Variants in TMEM135 observed in about 807,000 individuals in gnomAD.
TMEM135 encodes the protein peroxisomal membrane protein 52.
In TMEM135, 30 loss-of-function variants were observed where a neutral mutation model predicts 60.3. That is an observed-to-expected ratio of 0.50 (90% confidence interval 0.37 to 0.68). The LOEUF is 0.68. Ranked by LOEUF, TMEM135 falls within the 30% of genes least tolerant of loss-of-function variation. TMEM135 has a pLI of 0.00. For synonymous variants in TMEM135, 190 were observed against 186.7 expected (o/e 1.02, Z -0.14); for missense variants, 468 against 548.8 (o/e 0.85, Z 1.47).
rs190213800 is a variant in TMEM135 at position 87,269,107 on chromosome 11, T to A, written c.510-26675T>A. Among the ~76,000 whole-genome samples the A allele has an allele frequency of 1.4e-3, 209 of 148,932 alleles. 1 individual carries two copies. The highest frequency in any genetic ancestry group is 4.9e-3 in the African/African-American group (199 of 40,900). On this transcript the variant is annotated intron_variant, in intron 6 of 14. Transcript: ENST00000305494. ...TACGCAATGCACATTTTATTTCTCA[T>A]TTTTCAAAGCCTGGATTTCCTAATT...
intron 3 of TMEM135, among the ~76,000 whole-genome samples, chr11:87,073,702 C>T (rs1489628240): frequency 1.3e-5 from 2 of 151,580 alleles, no homozygotes; most frequent in African/African-American, 4.8e-5. Flanking sequence ...GAGTCTCGCT[C>T]TGTTGCCCAG....
At chr11:87,310,790 ATT>A (rs145529285) in intron 10 of TMEM135, among the ~76,000 whole-genome samples, 1 of 151,094 alleles carries the variant, frequency 6.6e-6, no homozygotes, top group Non-Finnish European at 1.5e-5. Context: ...AAAAAAATAG[ATT>A]TTTTTTTAAT....
At chr11:87,068,434 T>A (rs190604120) in intron 2 of TMEM135, among the ~76,000 whole-genome samples, 2 of 152,312 alleles carry the variant, frequency 1.3e-5, no homozygotes, top group African/African-American at 4.8e-5. Flanking sequence ...AAACTTACGT[T>A]TATTTATTTA....
At chr11:87,210,432 T>C (rs1022585021) in intron 5 of TMEM135, among the ~76,000 whole-genome samples, 1 of 152,142 alleles carries the variant, frequency 6.6e-6, no homozygotes, top group African/African-American at 2.4e-5. Flanking sequence ...AATAAATTCT[T>C]GGAAACACAA....
chr11:87,044,123 A>T lies in TMEM135; in HGVS notation c.141+5937A>T, dbSNP rs572854482. 5.9e-5 allele frequency among the ~76,000 whole-genome samples: 9 copies of T among 152,228 alleles called. No individual in the cohort carries two copies. The East Asian group carries it at 1.7e-3, about 29-fold the overall frequency. On this transcript the variant is annotated intron_variant, in intron 1 of 14. Coordinates refer to ENST00000305494, the MANE Select transcript of TMEM135 (RefSeq NM_022918.4). ...TTTACTCAATATTTACTCCCTTTGA[A>T]CCATGTAATCCAACAAATCTGTTAG...
chr11:87,264,307 C>CTTTTTTTT (rs145849024), intron 6 of TMEM135, among the ~76,000 whole-genome samples: 1 of 146,622 alleles, frequency 6.8e-6, no homozygotes, highest in African/African-American at 2.5e-5. Flanking sequence ...TGTTCTTTTT[C>CTTTTTTTT]TTTTCTTTTT....
intron 6 of TMEM135, among the ~76,000 whole-genome samples, chr11:87,248,592 A>G (rs748949974): frequency 2.0e-5 from 3 of 150,784 alleles, no homozygotes; most frequent in East Asian, 3.9e-4. Context: ...AGCTTTGGCT[A>G]TTTTTGGTCA....
intron 6 of TMEM135, among the ~76,000 whole-genome samples, chr11:87,254,555 T>A (rs1941483961): frequency 6.6e-6 from 1 of 152,212 alleles, no homozygotes; most frequent in Non-Finnish European, 1.5e-5. Flanking sequence ...TAAACATTAT[T>A]TATGTTTCCA....
chr11:87,191,096 GC>G (rs1939787741), intron 5 of TMEM135, among the ~76,000 whole-genome samples: 3 of 152,126 alleles, frequency 2.0e-5, no homozygotes, highest in African/African-American at 4.8e-5. Context: ...TTGCAAGGAG[GC>G]CTTAGTTCCT....
chr11:87,066,933 A>G (rs1247744600), intron 1 of TMEM135, among the ~76,000 whole-genome samples: 1 of 150,694 alleles, frequency 6.6e-6, no homozygotes, highest in Non-Finnish European at 1.5e-5. Context: ...GGCGCCCACC[A>G]CCACGCCCGT....
intron 5 of TMEM135, among the ~76,000 whole-genome samples, chr11:87,235,304 G>C (rs909513556): frequency 6.6e-6 from 1 of 151,294 alleles, no homozygotes; most frequent in Non-Finnish European, 1.5e-5. Flanking sequence ...GAAAGAGGGA[G>C]GGGAGGAGAG....
chr11:87,095,389 C>A lies in TMEM135; in HGVS notation c.396+3994C>A. On this transcript the variant is annotated intron_variant, in intron 4 of 14. Coordinates refer to ENST00000305494, the MANE Select transcript of TMEM135 (RefSeq NM_022918.4). ...CCACAATAAAAGCACTGCACTTGGT[C>A]ATCAATACTTGTGTATTAGAGTTCA... 4 of 216,204 alleles carry A rather than the reference C, an allele frequency of 1.9e-5. No individual in the cohort carries two copies. The South Asian group carries it at 3.4e-4, about 19-fold the overall frequency. The allele number at this position is 216,204 out of a possible 1,614,324, so 13.4% of individuals were successfully genotyped here. A position where few individuals can be genotyped will look rare whatever the true frequency, so the allele number is the denominator to read the frequency against.
chr11:87,135,629 C>A (rs1218049112), intron 4 of TMEM135, among the ~76,000 whole-genome samples: 1 of 151,648 alleles, frequency 6.6e-6, no homozygotes, highest in Non-Finnish European at 1.5e-5. Flanking sequence ...ACCATGCGGT[C>A]TTGATAACTG....
At chr11:87,190,375 A>G (rs1939770497) in intron 5 of TMEM135, among the ~76,000 whole-genome samples, 1 of 152,198 alleles carries the variant, frequency 6.6e-6, no homozygotes, top group African/African-American at 2.4e-5. Context: ...AGAGAGGGAG[A>G]GAGAAGGAGA....
At chr11:87,146,030 T>A (rs894388794) in intron 4 of TMEM135, among the ~76,000 whole-genome samples, 2 of 152,258 alleles carry the variant, frequency 1.3e-5, no homozygotes, top group African/African-American at 4.8e-5. Context: ...GTCTTTATCC[T>A]GTGCTTTCTT....
chr11:87,144,042 C>T (rs1938337960), intron 4 of TMEM135, among the ~76,000 whole-genome samples: 1 of 151,666 alleles, frequency 6.6e-6, no homozygotes, highest in Non-Finnish European at 1.5e-5. Context: ...TGACCTTTAC[C>T]TCACCATTAT....
chr11:87,324,522 A>C lies in TMEM135; in HGVS notation c.*3189A>C, dbSNP rs1481531339. ...TTGAAACCTCAAATTCCTTGGTTCA[A>C]GCAATTATTTCCCCTCAGTCTCTAA... On this transcript the variant is annotated 3_prime_UTR_variant, in exon 15 of 15. Coordinates refer to ENST00000305494, the MANE Select transcript of TMEM135 (RefSeq NM_022918.4). 1 of 453,474 alleles carries C rather than the reference A, an allele frequency of 2.2e-6. No individual in the cohort carries two copies. The highest frequency in any genetic ancestry group is 1.6e-5 in the South Asian group (1 of 64,228). The allele number at this position is 453,474 out of a possible 1,614,324, so 28.1% of individuals were successfully genotyped here.
At chr11:87,041,276 G>A (rs1334246200) in intron 1 of TMEM135, among the ~76,000 whole-genome samples, 2 of 113,144 alleles carry the variant, frequency 1.8e-5, no homozygotes, top group Admixed American at 9.5e-5. Context: ...GACAGGATTC[G>A]GTTCTCATTT....
At chr11:87,064,559 T>C (rs1400286460) in intron 1 of TMEM135, among the ~76,000 whole-genome samples, 1 of 152,182 alleles carries the variant, frequency 6.6e-6, no homozygotes, top group East Asian at 1.9e-4. Context: ...AACCACTAAG[T>C]TATTCATTTC....
Sources: gnomAD v4.1 joint callset for allele counts (sites outside exome capture counted in the v4.1 genomes callset) on GRCh38, gnomAD v4.1.1 for gene constraint, MANE v1.5 for transcripts, NCBI Gene and HGNC (gene_info 2026-07-23, HGNC 2026-07-21) for gene names.